YKT6: variants seen among roughly 807,000 people sequenced by gnomAD.
YKT6 encodes the protein YKT6 vesicular SNARE protein.
YKT6 carries 12 observed loss-of-function variants against 29.3 expected under a neutral mutation model. The ratio of observed to expected loss-of-function variants is 0.41; its 90% CI spans 0.26 to 0.66. The LOEUF (loss-of-function observed/expected upper bound fraction) is 0.66, where lower values mean the gene tolerates loss of function less well. Ranked by LOEUF, YKT6 falls within the 30% of genes least tolerant of loss-of-function variation. The pLI is 0.32. For synonymous variants in YKT6, 86 were observed against 94.3 expected (o/e 0.91, Z 0.51); for missense variants, 188 against 243.8 (o/e 0.77, Z 1.52).
intron 4 of YKT6, among the ~76,000 whole-genome samples, chr7:44,207,745 GAGTTGGAGTCTC>G (rs1468565960): frequency 4.0e-5 from 6 of 149,108 alleles, no homozygotes; most frequent in Admixed American, 4.0e-4. Context: ...TTTGTTTTTT[GAGTTGGAGTCTC>G]ACTCTGTTTC....
At position 44,207,623 on chromosome 7, in the gene YKT6, C is replaced by A; in HGVS notation, c.393+131C>A. On this transcript the variant is annotated intron_variant, in intron 4 of 6. Transcript: ENST00000223369. ...TCTGATGCTGGTGTCCTCTCTCAAG[C>A]CTTACTGTTTGGAAAACAGAGAATC... 3 of 752,232 alleles carry A rather than the reference C, an allele frequency of 4.0e-6. No individual in the cohort carries two copies. In the East Asian group the frequency reaches 8.2e-5, roughly 21 times the overall value. 46.6% of individuals were successfully genotyped at this position (752,232 alleles called of 1,614,324 possible).
At chr7:44,202,662 A>T (rs1055069165) in intron 1 of YKT6, among the ~76,000 whole-genome samples, 1 of 152,226 alleles carries the variant, frequency 6.6e-6, no homozygotes, top group African/African-American at 2.4e-5. Context: ...TTATCTGTTC[A>T]TCTGTCAGTG....
chr7:44,203,571 T>G (rs2096338037), intron 1 of YKT6, among the ~76,000 whole-genome samples: 1 of 152,266 alleles, frequency 6.6e-6, no homozygotes, highest in South Asian at 2.1e-4. Flanking sequence ...CTAGGTTTAC[T>G]GCAAAGCCTT....
intron 5 of YKT6, 129 bp downstream of exon 5, chr7:44,208,327 GCCCACCCCTTCC>G: frequency 4.1e-6 from 4 of 974,420 alleles, no homozygotes; most frequent in Non-Finnish European, 6.3e-6. Flanking sequence ...AAGTGGGATT[GCCCACCCCTTCC>G]CCCACCCCGG....
At chr7:44,208,430 A>T (rs1441850744) in intron 5 of YKT6, 7 of 494,626 alleles carry the variant, frequency 1.4e-5, no homozygotes, top group Non-Finnish European at 2.2e-5. Flanking sequence ...GAACCAGTGG[A>T]ACCCTCAAGT....
chr7:44,206,288 C>A, intron 2 of YKT6, 97 bp from the exon 3 acceptor site: 1 of 1,277,408 alleles, frequency 7.8e-7, no homozygotes, highest in Non-Finnish European at 1.1e-6. Flanking sequence ...CGAGTGGCTT[C>A]ATTTGGCCTA....
intron 2 of YKT6, among the ~76,000 whole-genome samples, chr7:44,205,842 C>A (rs377557340): frequency 8.5e-5 from 13 of 152,306 alleles, no homozygotes; most frequent in South Asian, 2.1e-4. Context: ...TCTAGACTAA[C>A]CCCCCTACTC....
chr7:44,206,669 C>A (rs1161740188), intron 3 of YKT6, among the ~76,000 whole-genome samples, 184 bp downstream of exon 3: 1 of 152,144 alleles, frequency 6.6e-6, no homozygotes, highest in Non-Finnish European at 1.5e-5. Flanking sequence ...TGGGTTTCCT[C>A]CCCGGTGCTG....
intron 1 of YKT6, among the ~76,000 whole-genome samples, chr7:44,202,760 G>A (rs2096337173): frequency 6.6e-6 from 1 of 152,148 alleles, no homozygotes; most frequent in African/African-American, 2.4e-5. Flanking sequence ...GACCCTGCTC[G>A]CATTTTTTTG....
At chr7:44,204,946 C>T (rs2096339334) in intron 2 of YKT6, among the ~76,000 whole-genome samples, 1 of 152,168 alleles carries the variant, frequency 6.6e-6, no homozygotes, top group Non-Finnish European at 1.5e-5. Context: ...AGTTGCAGAC[C>T]CCTCAAAAAA....
intron 5 of YKT6, chr7:44,210,722 G>A (rs1240549623): frequency 9.3e-5 from 41 of 439,882 alleles, no homozygotes; most frequent in Middle Eastern, 4.3e-4. Flanking sequence ...AAATGTGTGT[G>A]TATATATATA....
In YKT6 at chr7:44,212,762, T is replaced by C. The variant is rs907645757; in HGVS notation, c.*480T>C. 6.5e-6 allele frequency: 1 copy of C among 152,786 alleles called. No individual in the cohort carries two copies. The highest frequency in any genetic ancestry group is 1.5e-5 in the Non-Finnish European group (1 of 68,712). 9.5% of individuals were successfully genotyped at this position (152,786 alleles called of 1,614,324 possible). A position where few individuals can be genotyped will look rare whatever the true frequency, so the allele number is the denominator to read the frequency against. ...GGAAAGCCTCTCCTGGGGCCACTGT[T>C]GGGGGTGGGAGTGAGCCCACCACAG... is the stretch of plus-strand genomic sequence containing the variant. On this transcript the variant is annotated 3_prime_UTR_variant, in exon 7 of 7. Transcript: ENST00000223369.
At chr7:44,206,320 G>A in intron 2 of YKT6, 65 bp from the exon 3 acceptor site, 2 of 1,520,090 alleles carry the variant, frequency 1.3e-6, no homozygotes, top group Non-Finnish European at 1.8e-6. Context: ...TTTGATTTGG[G>A]GGGATTAAAA....
intron 5 of YKT6, among the ~76,000 whole-genome samples, chr7:44,209,229 G>A (rs2908282): frequency 0.19 from 29,634 of 152,088 alleles, 3,016 homozygotes; most frequent in Admixed American, 0.28. Flanking sequence ...GTACATCAGC[G>A]TCTCCTGGGG....
chr7:44,202,436 C>A (rs1015396926), intron 1 of YKT6, among the ~76,000 whole-genome samples: 1 of 152,114 alleles, frequency 6.6e-6, no homozygotes, highest in African/African-American at 2.4e-5. Context: ...AAACACATTC[C>A]CTTCTCCCCC....
intron 2 of YKT6, among the ~76,000 whole-genome samples, chr7:44,205,918 G>T (rs1026109916): frequency 2.0e-5 from 3 of 152,178 alleles, no homozygotes; most frequent in African/African-American, 7.2e-5. Flanking sequence ...GAGGCCCTGG[G>T]GGGTAATTTC....
At chr7:44,204,051 C>T (rs1436352458) in intron 1 of YKT6, among the ~76,000 whole-genome samples, 1 of 152,160 alleles carries the variant, frequency 6.6e-6, no homozygotes, top group South Asian at 2.1e-4. Context: ...GTCTTGCGCT[C>T]GTTCTGTGGA....
intron 2 of YKT6, among the ~76,000 whole-genome samples, chr7:44,206,131 G>A (rs919333808): frequency 1.4e-4 from 21 of 152,148 alleles, no homozygotes; most frequent in African/African-American, 4.8e-4. Context: ...TGCACCACTG[G>A]CTGTTTCTTT....
chr7:44,212,112 AC>A, intron 6 of YKT6, 134 bp from the exon 7 acceptor site: 1 of 1,020,492 alleles, frequency 9.8e-7, no homozygotes, highest in East Asian at 2.4e-5. Context: ...CAAGGCCTCC[AC>A]CCCCACCCTG....
Sources: gnomAD v4.1 joint callset for allele counts (sites outside exome capture counted in the v4.1 genomes callset) on GRCh38, gnomAD v4.1.1 for gene constraint, MANE v1.5 for transcripts, NCBI Gene and HGNC (gene_info 2026-07-23, HGNC 2026-07-21) for gene names.